Variants in MARF1 observed in about 807,000 individuals in gnomAD.
MARF1 encodes limkain-b1.
MARF1 carries 24 observed loss-of-function variants against 168.2 expected under a neutral mutation model. That is an observed-to-expected ratio of 0.14 (90% confidence interval 0.10 to 0.20). The LOEUF (loss-of-function observed/expected upper bound fraction) is 0.20. Ranked by LOEUF, MARF1 falls within the 10% of genes least tolerant of loss-of-function variation. The pLI is 1.00. For synonymous variants in MARF1, 868 were observed against 822.4 expected (o/e 1.06, Z -0.95); for missense variants, 1,744 against 2,143.6 (o/e 0.81, Z 3.68).
Position 15,602,181 on chromosome 16 carries a change from T to G in MARF1, c.4436A>C (p.Glu1479Ala), listed in dbSNP as rs755276496. 1 of 1,614,142 alleles carries G rather than the reference T, an allele frequency of 6.2e-7. No individual in the cohort carries two copies. Among genetic ancestry groups the G allele is most frequent in the Middle Eastern group, 1.6e-4 (1 of 6,062 alleles). The change falls in exon 23 of 27, where the codon GAA becomes GCA. Residue 1479 changes from glutamate to alanine, a missense_variant. Glu to Ala is a moderately radical substitution (Grantham distance 107). Around this residue, in one of 7 missense-constraint regions of MARF1, gnomAD observed 313 missense variants for 337.4 expected, o/e 0.93. Transcript: ENST00000396368. ...CAGACTTGTGAGCTTCACACATTCT[T>G]CCATCTTATCATTAGTGAAAACCTG... ...LVEVFTNDKMEECVKLTSLYL... is the reference protein window; with the variant it reads ...LVEVFTNDKMAECVKLTSLYL...
intron 26 of MARF1, among the ~76,000 whole-genome samples, chr16:15,597,971 C>T (rs1267047466): frequency 6.6e-6 from 1 of 152,186 alleles, no homozygotes; most frequent in Non-Finnish European, 1.5e-5. Context: ...CAGTGCTGAA[C>T]GCTGCCAAGA....
At chr16:15,616,375 A>C (rs1596468867) in intron 15 of MARF1, among the ~76,000 whole-genome samples, 1 of 152,202 alleles carries the variant, frequency 6.6e-6, no homozygotes, top group South Asian at 2.1e-4. Context: ...TGAACTTCTG[A>C]AGAATACTTT....
At chr16:15,607,825 G>T (rs2151078338) in intron 21 of MARF1, among the ~76,000 whole-genome samples, 1 of 152,248 alleles carries the variant, frequency 6.6e-6, no homozygotes, top group Admixed American at 6.5e-5. Flanking sequence ...CTACAGCTCT[G>T]CCAGTGACAA....
Position 15,625,800 on chromosome 16 carries a change from G to T in MARF1, c.1525C>A (p.Gln509Lys). The change falls in exon 8 of 27, where the codon CAG (glutamine) becomes AAG (lysine). Residue 509 changes from glutamine (Q) to lysine (K), a missense_variant and splice_region_variant. Transcript: ENST00000396368. ...TAAACATAGAGCAGAGTGTGGCACT[G>T]CTAATACAGAGGAAAGAAGTGTTAC... ...LPPRLPLKMP[Q>K]CHTLLYVYNL... The T allele has an allele frequency of 6.2e-7, 1 of 1,609,194 alleles. No homozygotes were observed. The highest frequency in any genetic ancestry group is 8.5e-7 in the Non-Finnish European group (1 of 1,176,902).
rs935345487 is a variant in MARF1 at position 15,631,650 on chromosome 16, A to C, written c.1234-152T>G. 4.5e-5 allele frequency: 21 copies of C among 464,042 alleles called. No homozygotes were observed. In the Admixed American group the frequency reaches 7.0e-4, roughly 15 times the overall value. The allele number at this position is 464,042 out of a possible 1,614,324, so 28.7% of individuals were successfully genotyped here. ...GTGCAGGTTTGTTACATAGGTATAC[A>C]TGTGCCGTGGTGGTTTGCTGCACCT... On this transcript the variant is annotated intron_variant, in intron 5 of 26. Transcript: ENST00000396368.
intron 7 of MARF1, among the ~76,000 whole-genome samples, chr16:15,629,769 A>C (rs1362126932): frequency 6.6e-6 from 1 of 152,082 alleles, no homozygotes; most frequent in Non-Finnish European, 1.5e-5. Context: ...ATGTGCTCAC[A>C]CCCTCCTCCC....
At chr16:15,632,141 A>G (rs1330046893) in intron 5 of MARF1, among the ~76,000 whole-genome samples, 1 of 152,208 alleles carries the variant, frequency 6.6e-6, no homozygotes, top group African/African-American at 2.4e-5. Context: ...CCCTGCTCTC[A>G]TCTCCAATCT....
In MARF1 at chr16:15,602,024, G is replaced by A. The variant is rs1443167091; in HGVS notation, c.4593C>T (p.Ser1531=). ...TTGCTCCCAAGAGCTCCTCCACGCT[G>A]CTGTGGCCGTAGGTCTTGGGCTGCA... is the stretch of plus-strand genomic sequence containing the variant. ...ETLQPKTYGH[S]SVEELLGAIP... is the part of the protein sequence containing the mutation. The change falls in exon 23 of 27, where the codon AGC becomes AGT. Residue 1531 remains serine (S), a synonymous_variant. Transcript: ENST00000396368. 6.2e-7 allele frequency: 1 copy of A among 1,614,108 alleles called. No individual in the cohort carries two copies.
rs748311171 is a variant in MARF1 at position 15,615,999 on chromosome 16, T to C, written c.3084A>G (p.Pro1028=). The change falls in exon 16 of 27, where the codon CCA becomes CCG. Residue 1028 remains proline (P), a synonymous_variant. Coordinates refer to ENST00000396368, the MANE Select transcript of MARF1 (RefSeq NM_014647.4). Reference sequence around the variant, plus strand: ...CGCCAAACTCTGCAATGTAACAATCTGGAAAGCTGAAATAGGAAAAAACAA... The same window carrying C: ...CGCCAAACTCTGCAATGTAACAATCCGGAAAGCTGAAATAGGAAAAAACAA... ...HEGTVPLLSF[P]DCYIAEFGDL... is the part of the protein sequence containing the mutation. 2.0e-6 allele frequency: 3 copies of C among 1,498,934 alleles called. No homozygotes were observed. Among genetic ancestry groups the C allele is most frequent in the African/African-American group, 1.4e-5 (1 of 70,158 alleles). 92.9% of individuals were successfully genotyped at this position (1,498,934 alleles called of 1,614,324 possible).
chr16:15,623,444 T>C (rs563843797), intron 10 of MARF1, among the ~76,000 whole-genome samples: 6 of 152,046 alleles, frequency 3.9e-5, no homozygotes, highest in Admixed American at 2.6e-4. Flanking sequence ...TACACCCAGC[T>C]AATTTTTTTT....
intron 7 of MARF1, among the ~76,000 whole-genome samples, chr16:15,627,408 C>A (rs2034944229): frequency 6.6e-6 from 1 of 152,124 alleles, no homozygotes; most frequent in Non-Finnish European, 1.5e-5. Context: ...CACCTGAGGT[C>A]AGAAGTTCGA....
At chr16:15,638,964 C>G (rs2035772984) in intron 2 of MARF1, 126 bp downstream of exon 2, 1 of 892,334 alleles carries the variant, frequency 1.1e-6, no homozygotes, top group Non-Finnish European at 1.6e-6. Context: ...AGAGGCAATA[C>G]AGGCAAGATC....
In MARF1 at chr16:15,635,790, C is replaced by G. The variant is rs1247704259; in HGVS notation, c.697G>C (p.Ala233Pro). ...ATGTGCTCTTCCAAATGCCCTGGAG[C>G]CCCGCTTGTGAAATCAGAACAGGGG... ...YFPCSDFTSGAPGHLEEHISQ... is the reference protein window; with the variant it reads ...YFPCSDFTSGPPGHLEEHISQ... Residue 233 changes from alanine to proline, a missense_variant, in exon 3 of 27, where the codon GCT (alanine) becomes CCT (proline). Ala to Pro is a conservative substitution (Grantham distance 27, BLOSUM62 -1). Transcript: ENST00000396368. 6.2e-7 allele frequency: 1 copy of G among 1,614,202 alleles called. No homozygotes were observed. Among genetic ancestry groups the G allele is most frequent in the Admixed American group, 1.7e-5 (1 of 60,016 alleles).
intron 21 of MARF1, among the ~76,000 whole-genome samples, chr16:15,604,648 G>A (rs1404667457): frequency 1.3e-5 from 2 of 152,286 alleles, no homozygotes; most frequent in East Asian, 3.9e-4. Context: ...AATAATGGGG[G>A]AGGAAATTGC....
At chr16:15,637,248 G>A (rs2035660366) in intron 2 of MARF1, among the ~76,000 whole-genome samples, 2 of 152,226 alleles carry the variant, frequency 1.3e-5, no homozygotes, top group Admixed American at 6.5e-5. Flanking sequence ...CCTAGCCACT[G>A]AAAGGGGACT....
chr16:15,623,368 C>T (rs921074815), intron 10 of MARF1, among the ~76,000 whole-genome samples: 2 of 150,528 alleles, frequency 1.3e-5, no homozygotes, highest in Non-Finnish European at 2.9e-5. Context: ...CAACCTCCAC[C>T]TCCTGGATTC....
intron 26 of MARF1, among the ~76,000 whole-genome samples, chr16:15,597,552 C>T (rs1319765663): frequency 6.6e-6 from 1 of 152,202 alleles, no homozygotes; most frequent in Non-Finnish European, 1.5e-5. Flanking sequence ...CACACAGGGC[C>T]ACGCTGCTTG....
chr16:15,618,369 C>G (rs2034215267), intron 13 of MARF1, among the ~76,000 whole-genome samples: 1 of 152,212 alleles, frequency 6.6e-6, no homozygotes, highest in Non-Finnish European at 1.5e-5. Flanking sequence ...TACTCTCATT[C>G]TCAGTCTCGT....
At chr16:15,612,498 G>C (rs1409261621) in intron 17 of MARF1, 59 bp downstream of exon 17, 1 of 1,440,808 alleles carries the variant, frequency 6.9e-7, no homozygotes, top group South Asian at 1.1e-5. Flanking sequence ...GATGGAGGCA[G>C]CCAAAGCCAT....
Sources: gnomAD v4.1 joint callset for allele counts (sites outside exome capture counted in the v4.1 genomes callset) on GRCh38, gnomAD v4.1.1 for gene constraint, gnomAD v4.1.1 regional missense constraint, MANE v1.5 for transcripts, NCBI Gene and HGNC (gene_info 2026-07-23, HGNC 2026-07-21) for gene names.